The following PHACTR2 variants were observed in gnomAD, a reference collection of about 807,000 sequenced individuals.
PHACTR2 encodes phosphatase and actin regulator 2.
PHACTR2 carries 30 observed loss-of-function variants against 76.0 expected under a neutral mutation model. That is an observed-to-expected ratio of 0.39 (90% CI 0.30 to 0.54). The LOEUF (loss-of-function observed/expected upper bound fraction) is 0.54. Ranked by LOEUF, PHACTR2 falls within the 20% of genes least tolerant of loss-of-function variation. The probability of loss-of-function intolerance (pLI) is 0.61; values close to 1 mark genes in which losing one functional copy is unlikely to be tolerated. For synonymous variants in PHACTR2, 292 were observed against 292.5 expected, an observed-to-expected ratio of 1.00 and a Z score of 0.02; for missense variants, 696 against 781.1, an observed-to-expected ratio of 0.89 and a Z score of 1.30.
intron 1 of PHACTR2, among the ~76,000 whole-genome samples, chr6:143,620,620 C>T (rs1776136807): frequency 6.6e-6 from 1 of 152,104 alleles, no homozygotes; most frequent in African/African-American, 2.4e-5. Flanking sequence ...TTTTTTCAGA[C>T]AGCAGCCTCA....
At chr6:143,588,561 A>G (rs1450357973) in intron 1 of PHACTR2, among the ~76,000 whole-genome samples, 2 of 152,320 alleles carry the variant, frequency 1.3e-5, no homozygotes, top group Middle Eastern at 3.4e-3. Flanking sequence ...TCCTCAGAGT[A>G]AGGCTTTCTC....
intron 1 of PHACTR2, among the ~76,000 whole-genome samples, chr6:143,568,406 A>G (rs1775393620): frequency 6.6e-6 from 1 of 152,254 alleles, no homozygotes; most frequent in Non-Finnish European, 1.5e-5. Flanking sequence ...GCAAAGCTGT[A>G]GAAACTAGGT....
At position 143,678,248 on chromosome 6, in the gene PHACTR2, GGCGCA is replaced by G. The variant is rs1777295633; in HGVS notation, c.46+41_46+45del. 4 of 1,435,494 alleles carry G rather than the reference GGCGCA, an allele frequency of 2.8e-6. No individual in the cohort carries two copies. The highest frequency in any genetic ancestry group is 3.6e-6 in the Non-Finnish European group (4 of 1,099,120). 88.9% of individuals were successfully genotyped at this position (1,435,494 alleles called of 1,614,324 possible). ...GCACGCGATGCGCTCCCGCCGCGCG[GGCGCA>G]GGGCTGGCGGCGGGGCCCCGGGGCA... is the stretch of plus-strand genomic sequence containing the variant. On this transcript the variant is annotated intron_variant, in intron 1 of 12. Transcript: ENST00000440869. This position sits in a 1 kb window ranked among gnomAD's most constrained non-coding sequence, Gnocchi z 6.2.
At position 143,825,595 on chromosome 6, in the gene PHACTR2, A is replaced by G. The variant is rs558696030; in HGVS notation, c.*1906A>G. ...TGTCTATTTTACAGTGTTTCAATCC[A>G]GCCATAAAAATTAACTTGTGATTTT... On this transcript the variant is annotated 3_prime_UTR_variant, in exon 13 of 13. Coordinates refer to ENST00000440869, the MANE Select transcript of PHACTR2 (RefSeq NM_001100164.2). The surrounding 1 kb of genome is among the most constrained non-coding windows in gnomAD (Gnocchi z 4.1). 19 of 152,088 alleles carry G rather than the reference A, an allele frequency of 1.2e-4. No individual in the cohort carries two copies. The East Asian group carries it at 3.7e-3, about 29-fold the overall frequency. 9.4% of individuals were successfully genotyped at this position (152,088 alleles called of 1,614,324 possible).
At position 143,698,829 on chromosome 6, in the gene PHACTR2, G is replaced by A. The variant is rs549841065; in HGVS notation, c.47-13187G>A. ...CAGTTAATTGTGCATGAATGTTTCC[G>A]TTCCACAGTGAACACACTTTTCTAC... On this transcript the variant is annotated intron_variant, in intron 1 of 12. Transcript: ENST00000440869. The surrounding 1 kb of genome is among the most constrained non-coding windows in gnomAD (Gnocchi z 4.3). Among the ~76,000 whole-genome samples the A allele has an allele frequency of 1.3e-5, 2 of 152,272 alleles. No homozygotes were observed. The highest frequency in any genetic ancestry group is 2.1e-4 in the South Asian group (1 of 4,828).
rs1245492228 is a variant in PHACTR2, at chr6:143,539,547, TATCTC to T, written c.217+2342_217+2346del. Among the ~76,000 whole-genome samples, 10 of 152,182 alleles carry T rather than the reference TATCTC, an allele frequency of 6.6e-5. No individual in the cohort carries two copies. The highest frequency in any genetic ancestry group is 1.5e-5 in the Non-Finnish European group (1 of 68,034). ...GATGACTGTGCTGGGATCTCTGAAT[TATCTC>T]AGAGGCACAATAAGAGGGTTACACG... On this transcript the variant is annotated intron_variant, in intron 1 of 11. Transcript: ENST00000367584. This position sits in a 1 kb window ranked among gnomAD's most constrained non-coding sequence, Gnocchi z 4.3.
upstream of PHACTR2, among the ~76,000 whole-genome samples, chr6:143,674,257 CTT>C (rs1777204343): frequency 6.6e-6 from 1 of 152,070 alleles, no homozygotes; most frequent in Admixed American, 6.6e-5. The surrounding 1 kb of genome is among the most constrained non-coding windows in gnomAD (Gnocchi z 4.9). Flanking sequence ...TAAGCTGACT[CTT>C]ACAAAATGTA....
chr6:143,694,817 T>C (rs1239009295), intron 1 of PHACTR2, among the ~76,000 whole-genome samples: 2 of 152,230 alleles, frequency 1.3e-5, no homozygotes, highest in African/African-American at 4.8e-5. Flanking sequence ...CTAGCCCATA[T>C]GCATTGTAAA....
chr6:143,703,331 G>A (rs1001234108), intron 1 of PHACTR2, among the ~76,000 whole-genome samples: 2 of 152,032 alleles, frequency 1.3e-5, no homozygotes, highest in African/African-American at 4.8e-5. Context: ...GATTGTGAGT[G>A]CAATATCATT....
intron 2 of PHACTR2, among the ~76,000 whole-genome samples, chr6:143,736,698 G>A (rs1582825338): frequency 1.3e-5 from 2 of 149,188 alleles, no homozygotes; most frequent in Admixed American, 6.8e-5. Flanking sequence ...CCTGAGCCTC[G>A]GAGTAGCTGG....
chr6:143,805,044 A>T (rs1776034170), intron 11 of PHACTR2, among the ~76,000 whole-genome samples: 1 of 152,196 alleles, frequency 6.6e-6, no homozygotes. Flanking sequence ...CACACTGCTA[A>T]TGAGGGCATA....
At position 143,583,190 on chromosome 6, in the gene PHACTR2, G is replaced by T. The variant is rs1775593654; in HGVS notation, c.217+45983G>T. On this transcript the variant is annotated intron_variant, in intron 1 of 11. Transcript: ENST00000367584. The surrounding 1 kb of genome is among the most constrained non-coding windows in gnomAD (Gnocchi z 4.0). ...TATCTGTGAATTCACCATGGCCACG[G>T]TAGTGATAAAGAGCATTCCTCCACA... 6.6e-6 allele frequency among the ~76,000 whole-genome samples: 1 copy of T among 152,208 alleles called. No homozygotes were observed. The highest frequency in any genetic ancestry group is 1.5e-5 in the Non-Finnish European group (1 of 68,036).
chr6:143,741,669 C>A (rs1410138067), intron 2 of PHACTR2, among the ~76,000 whole-genome samples: 1 of 152,184 alleles, frequency 6.6e-6, no homozygotes, highest in Non-Finnish European at 1.5e-5. Flanking sequence ...GAACACAGAT[C>A]TTCCTCTTTC....
Position 143,774,087 on chromosome 6 carries a change from G to T in PHACTR2, c.1461G>T (p.Arg487Ser), listed in dbSNP as rs1243018065. The part of the protein sequence containing the change: ...ESALASKIRR[R>S]DTLAIKLGNR... ...CTTTGGCAAGTAAAATACGCCGGAG[G>T]GATACTCTTGCTATCAAACTTGGCA... The change falls in exon 8 of 13, where the codon AGG becomes AGT. Residue 487 changes from arginine (R) to serine (S), a missense_variant. Transcript: ENST00000440869. The surrounding 1 kb of genome is among the most constrained non-coding windows in gnomAD (Gnocchi z 5.4). The T allele has an allele frequency of 6.2e-7, 1 of 1,613,524 alleles. No individual in the cohort carries two copies. The highest frequency in any genetic ancestry group is 8.5e-7 in the Non-Finnish European group (1 of 1,179,788).
At chr6:143,727,412 A>G (rs187156667) in intron 2 of PHACTR2, among the ~76,000 whole-genome samples, 4 of 152,310 alleles carry the variant, frequency 2.6e-5, no homozygotes, top group Admixed American at 2.0e-4. Context: ...CAGTGCTACA[A>G]TAAACATGGG....
At position 143,777,042 on chromosome 6, in the gene PHACTR2, C is replaced by T. The variant is rs898127573; in HGVS notation, c.1590-286C>T. 1.4e-4 allele frequency among the ~76,000 whole-genome samples: 22 copies of T among 151,954 alleles called. No individual in the cohort carries two copies. Among genetic ancestry groups the T allele is most frequent in the African/African-American group, 4.8e-4 (20 of 41,328 alleles). On this transcript the variant is annotated intron_variant, in intron 8 of 12. Coordinates refer to ENST00000440869, the MANE Select transcript of PHACTR2 (RefSeq NM_001100164.2). This position sits in a 1 kb window ranked among gnomAD's most constrained non-coding sequence, Gnocchi z 4.6. ...CCATTGCAGAAACTCAGTCACAGCA[C>T]GATACCTGGCTTCTAGGGAGGCAGA... is the stretch of plus-strand genomic sequence containing the variant.
intron 1 of PHACTR2, among the ~76,000 whole-genome samples, chr6:143,545,068 T>C (rs551616490): frequency 1.3e-5 from 2 of 152,166 alleles, no homozygotes; most frequent in Admixed American, 1.3e-4. Context: ...CCCAGCCTCC[T>C]GAATAGCTGG....
At position 143,591,494 on chromosome 6, in the gene PHACTR2, T is replaced by G. The variant is rs1445822413; in HGVS notation, c.217+54287T>G. 6.6e-6 allele frequency among the ~76,000 whole-genome samples: 1 copy of G among 152,100 alleles called. No homozygotes were observed. The highest frequency in any genetic ancestry group is 1.5e-5 in the Non-Finnish European group (1 of 68,010). Reference sequence around the variant, plus strand: ...CATATGAGACCAGGAGGGACTAAGGTGGTCCTTTCCCAGCCAGGGGTTATG... The same window carrying G: ...CATATGAGACCAGGAGGGACTAAGGGGGTCCTTTCCCAGCCAGGGGTTATG... On this transcript the variant is annotated intron_variant, in intron 1 of 11. Coordinates refer to the PHACTR2 transcript ENST00000367584. The surrounding 1 kb of genome is among the most constrained non-coding windows in gnomAD (Gnocchi z 6.4).
At position 143,761,161 on chromosome 6, in the gene PHACTR2, A is replaced by G. The variant is rs1779432436; in HGVS notation, c.694+521A>G. ...ACAAAGGGTTCATGTCACTTGTTTC[A>G]GCTCCACCCCACCACTTTCTACTGC... On this transcript the variant is annotated intron_variant, in intron 5 of 12. Coordinates refer to ENST00000440869, the MANE Select transcript of PHACTR2 (RefSeq NM_001100164.2). The surrounding 1 kb of genome is among the most constrained non-coding windows in gnomAD (Gnocchi z 5.2). Among the ~76,000 whole-genome samples, 1 of 152,194 alleles carries G rather than the reference A, an allele frequency of 6.6e-6. No individual in the cohort carries two copies. The highest frequency in any genetic ancestry group is 1.5e-5 in the Non-Finnish European group (1 of 68,032).
Sources: allele counts gnomAD v4.1 joint callset (sites outside exome capture counted in the v4.1 genomes callset), GRCh38; gene constraint gnomAD v4.1.1; non-coding constraint Gnocchi (gnomAD v3.1); transcripts MANE v1.5; gene names NCBI Gene and HGNC (gene_info 2026-07-23, HGNC 2026-07-21).